POMP: variants seen among roughly 807,000 people sequenced by gnomAD.
POMP encodes 2510048O06Rik.
A neutral mutation model predicts 20.6 loss-of-function variants in POMP; 12 were observed. The ratio of observed to expected loss-of-function variants is 0.58; its 90% confidence interval spans 0.37 to 0.94. The LOEUF (loss-of-function observed/expected upper bound fraction) is 0.94, where lower values mean the gene tolerates loss of function less well. POMP is among the 40% of genes least tolerant of loss of function. The pLI is 0.01. For missense variants in POMP, 136 were observed against 161.1 expected (o/e 0.84, Z 0.84); for synonymous variants, 53 against 55.0 (o/e 0.96, Z 0.16).
intron 4 of POMP, among the ~76,000 whole-genome samples, chr13:28,669,216 T>C (rs1276924338): frequency 1.3e-5 from 2 of 152,156 alleles, no homozygotes; most frequent in Non-Finnish European, 2.9e-5. Flanking sequence ...TATACTCCTT[T>C]CCCTGCTATT....
chr13:28,665,362 T>C (rs1186578404), intron 3 of POMP, among the ~76,000 whole-genome samples: 5 of 152,192 alleles, frequency 3.3e-5, no homozygotes, highest in Non-Finnish European at 5.9e-5. Flanking sequence ...GGTCTGCCTA[T>C]AAGAAAGAGT....
intron 1 of POMP, among the ~76,000 whole-genome samples, chr13:28,661,623 A>G (rs1884342973): frequency 6.6e-6 from 1 of 152,224 alleles, no homozygotes; most frequent in Non-Finnish European, 1.5e-5. Context: ...GATGGCTAAT[A>G]AGTATCTGGT....
chr13:28,670,892 C>A (rs1593174587), intron 4 of POMP, among the ~76,000 whole-genome samples: 1 of 151,980 alleles, frequency 6.6e-6, no homozygotes. Context: ...ACTAAAAATA[C>A]AAAAATTAGC....
At chr13:28,662,559 C>T in intron 2 of POMP, 52 bp downstream of exon 2, 2 of 1,416,984 alleles carry the variant, frequency 1.4e-6, no homozygotes, top group Non-Finnish European at 2.0e-6. Context: ...TGAATTTTCA[C>T]AATATTCTTT....
At chr13:28,672,484 A>G in intron 5 of POMP, 52 bp downstream of exon 5, 25 of 1,382,356 alleles carry the variant, frequency 1.8e-5, no homozygotes, top group Non-Finnish European at 2.5e-5. Context: ...TAAAAGGCAA[A>G]CAGCTGCAAA....
rs1884344269 is a variant in POMP, at chr13:28,661,683, G to A, written c.4-727G>A. ...GGGTAATCATACACCAATACCAAAT[G>A]CACTGTCTTTTTTACTTTGTTTTAT... On this transcript the variant is annotated intron_variant, in intron 1 of 5. Coordinates refer to ENST00000380842, the MANE Select transcript of POMP (RefSeq NM_015932.6). Among the ~76,000 whole-genome samples, 3 of 152,266 alleles carry A rather than the reference G, an allele frequency of 2.0e-5. No homozygotes were observed. In the South Asian group the frequency reaches 6.2e-4, roughly 32 times the overall value.
rs1884563110 is a variant in POMP, at chr13:28,672,335, A to G, written c.265-4A>G. 3 of 1,598,366 alleles carry G rather than the reference A, an allele frequency of 1.9e-6. No individual in the cohort carries two copies. Among genetic ancestry groups the G allele is most frequent in the Non-Finnish European group, 2.6e-6 (3 of 1,165,810 alleles). ...ATCTTGTCCCTTCATACTTTTCCCC[A>G]AAGGTTCAGCGTCTTCCATTTCTTT... On this transcript the variant is annotated splice_polypyrimidine_tract_variant and splice_region_variant and intron_variant, in intron 4 of 5. Coordinates refer to ENST00000380842, the MANE Select transcript of POMP (RefSeq NM_015932.6).
At position 28,661,529 on chromosome 13, in the gene POMP, C is replaced by T. The variant is rs917472768; in HGVS notation, c.4-881C>T. Among the ~76,000 whole-genome samples, 7 of 152,100 alleles carry T rather than the reference C, an allele frequency of 4.6e-5. No individual in the cohort carries two copies. The South Asian group carries it at 1.4e-3, about 31-fold the overall frequency. On this transcript the variant is annotated intron_variant, in intron 1 of 5. Coordinates refer to ENST00000380842, the MANE Select transcript of POMP (RefSeq NM_015932.6). The stretch of plus-strand genomic sequence containing the variant: ...CTGTTGTAACACCATGTTTTCTTTG[C>T]TTGTTTAATATATTTTCATAAGCTG...
intron 5 of POMP, among the ~76,000 whole-genome samples, chr13:28,674,242 G>A (rs1771189): frequency 0.045 from 6,783 of 152,310 alleles, 508 homozygotes; most frequent in African/African-American, 0.15. Context: ...TAGCAATAGC[G>A]TAGCCAGAGT....
Position 28,664,375 on chromosome 13 carries a change from C to G in POMP, c.102-134C>G, listed in dbSNP as rs1458074172. The G allele has an allele frequency of 5.0e-6, 3 of 596,536 alleles. No individual in the cohort carries two copies. The African/African-American group carries it at 5.6e-5, about 11-fold the overall frequency. 37.0% of individuals were successfully genotyped at this position (596,536 alleles called of 1,614,324 possible). On this transcript the variant is annotated intron_variant, in intron 2 of 5. Transcript: ENST00000380842. ...GTATCAATTCCTATGACTGTCACCACAGTCAAGATACAGAACAGTTTTGTC... is the reference window on the plus strand; with the variant it reads ...GTATCAATTCCTATGACTGTCACCAGAGTCAAGATACAGAACAGTTTTGTC...
At chr13:28,669,543 T>C (rs1449272830) in intron 4 of POMP, among the ~76,000 whole-genome samples, 10 of 152,080 alleles carry the variant, frequency 6.6e-5, no homozygotes, top group Non-Finnish European at 1.5e-5. Context: ...GCCTGGCTAG[T>C]TTTAAAAATT....
At chr13:28,662,293 C>G in intron 1 of POMP, 117 bp from the exon 2 acceptor site, 1 of 703,784 alleles carries the variant, frequency 1.4e-6, no homozygotes, top group East Asian at 2.7e-5. Context: ...CTAGTCTGGA[C>G]TTTTTGAGGG....
At chr13:28,664,032 C>G (rs1884394711) in intron 2 of POMP, among the ~76,000 whole-genome samples, 1 of 152,150 alleles carries the variant, frequency 6.6e-6, no homozygotes, top group Non-Finnish European at 1.5e-5. Flanking sequence ...CCTTACCTAA[C>G]ATACTTTATA....
intron 3 of POMP, among the ~76,000 whole-genome samples, chr13:28,667,799 CTG>C (rs1051833847): frequency 2.0e-5 from 3 of 152,136 alleles, no homozygotes; most frequent in Admixed American, 2.0e-4. Context: ...TTTTTGGAAA[CTG>C]TTTTAGAATC....
chr13:28,660,975 A>G (rs1044854368), intron 1 of POMP, among the ~76,000 whole-genome samples: 5 of 152,212 alleles, frequency 3.3e-5, no homozygotes, highest in African/African-American at 1.2e-4. Context: ...GGTATAGTGA[A>G]GAAACCCTGC....
At chr13:28,663,955 T>G (rs1239467789) in intron 2 of POMP, among the ~76,000 whole-genome samples, 2 of 152,218 alleles carry the variant, frequency 1.3e-5, no homozygotes, top group African/African-American at 4.8e-5. Flanking sequence ...AATCCTAGTT[T>G]GGATAATAAG....
chr13:28,664,948 C>G (rs1009233340), intron 3 of POMP, among the ~76,000 whole-genome samples: 1 of 152,200 alleles, frequency 6.6e-6, no homozygotes, highest in African/African-American at 2.4e-5. Flanking sequence ...CTGTAGGACA[C>G]AGCCACTAGG....
intron 5 of POMP, among the ~76,000 whole-genome samples, chr13:28,675,890 C>T: frequency 6.6e-6 from 1 of 152,076 alleles, no homozygotes; most frequent in East Asian, 1.9e-4. Flanking sequence ...TTTAAACAAC[C>T]AGAACTTGTG....
At position 28,662,382 on chromosome 13, in the gene POMP, T is replaced by C. The variant is rs1226577316; in HGVS notation, c.4-28T>C. On this transcript the variant is annotated intron_variant, in intron 1 of 5. Coordinates refer to ENST00000380842, the MANE Select transcript of POMP (RefSeq NM_015932.6). ...GTGTGTGTTTAAATTTTTTTTCTAT[T>C]TAATAATGTTTTTTATTTGTGTTGT... 2.6e-6 allele frequency: 4 copies of C among 1,555,906 alleles called. No homozygotes were observed. In the South Asian group the frequency reaches 4.5e-5, roughly 17 times the overall value.
Sources: allele counts gnomAD v4.1 joint callset (sites outside exome capture counted in the v4.1 genomes callset), GRCh38; gene constraint gnomAD v4.1.1; transcripts MANE v1.5; gene names NCBI Gene and HGNC (gene_info 2026-07-23, HGNC 2026-07-21).